Variants in LYPD6B observed in about 807,000 individuals in gnomAD.
LYPD6B encodes LY6/PLAUR domain containing 6B.
In LYPD6B, 17 loss-of-function variants were observed where a neutral mutation model predicts 22.8. The ratio of observed to expected loss-of-function variants is 0.75; its 90% CI spans 0.51 to 1.12. The LOEUF is 1.12. Ranked by LOEUF, LYPD6B falls within the 50% of genes most tolerant of loss-of-function variation. The pLI is 0.00. For missense variants in LYPD6B, 221 were observed against 258.3 expected, an observed-to-expected ratio of 0.86 and a Z score of 0.99; for synonymous variants, 106 against 91.6, an observed-to-expected ratio of 1.16 and a Z score of -0.90.
intron 1 of LYPD6B, among the ~76,000 whole-genome samples, chr2:149,114,661 C>T (rs1686916392): frequency 6.6e-6 from 1 of 152,146 alleles, no homozygotes; most frequent in Admixed American, 6.5e-5. Context: ...TTAGGAAAAC[C>T]CAAGCGTTCT....
At chr2:149,139,402 T>C (rs1688554296) in intron 2 of LYPD6B, among the ~76,000 whole-genome samples, 1 of 152,168 alleles carries the variant, frequency 6.6e-6, no homozygotes, top group South Asian at 2.1e-4. Flanking sequence ...ATGGAGACCA[T>C]CAGATATAAT....
At chr2:149,076,121 C>T (rs184482296) in intron 1 of LYPD6B, among the ~76,000 whole-genome samples, 85 of 152,132 alleles carry the variant, frequency 5.6e-4, no homozygotes, top group African/African-American at 2.0e-3. Context: ...TTTTGAATAT[C>T]GGAAAGTGAA....
intron 2 of LYPD6B, among the ~76,000 whole-genome samples, chr2:149,132,810 A>G (rs569265360): frequency 6.6e-6 from 1 of 152,304 alleles, no homozygotes; most frequent in Non-Finnish European, 1.5e-5. Flanking sequence ...GCACCAACAC[A>G]GAATTCTGAG....
intron 1 of LYPD6B, among the ~76,000 whole-genome samples, chr2:149,106,052 T>C (rs962349382): frequency 3.9e-5 from 6 of 152,136 alleles, no homozygotes; most frequent in Non-Finnish European, 5.9e-5. Context: ...GATAATCATA[T>C]GGTTTTTCTT....
At chr2:149,117,674 C>T (rs1263974466) in intron 1 of LYPD6B, among the ~76,000 whole-genome samples, 1 of 152,156 alleles carries the variant, frequency 6.6e-6, no homozygotes, top group Non-Finnish European at 1.5e-5. Context: ...GCTCATCTGT[C>T]ATTTTTGTCC....
intron 1 of LYPD6B, among the ~76,000 whole-genome samples, chr2:149,073,291 T>C (rs552588616): frequency 6.6e-6 from 1 of 152,336 alleles, no homozygotes; most frequent in East Asian, 1.9e-4. Flanking sequence ...AGAGGCACCC[T>C]GACAGCTTCA....
At chr2:149,134,822 G>A (rs539995080) in intron 2 of LYPD6B, among the ~76,000 whole-genome samples, 5 of 152,194 alleles carry the variant, frequency 3.3e-5, no homozygotes, top group Non-Finnish European at 7.3e-5. Flanking sequence ...CTTTGGAACT[G>A]GTGTGCTGGA....
At chr2:149,132,279 A>G (rs1444732962) in intron 2 of LYPD6B, among the ~76,000 whole-genome samples, 1 of 150,274 alleles carries the variant, frequency 6.7e-6, no homozygotes, top group East Asian at 1.9e-4. Context: ...TTCTAGATGG[A>G]ACCCAGGGAG....
At chr2:149,189,343 TA>T in intron 3 of LYPD6B, among the ~76,000 whole-genome samples, 1 of 10,100 alleles carries the variant, frequency 9.9e-5, no homozygotes, top group African/African-American at 2.4e-4. Context: ...TGTCCAAAAT[TA>T]TATATATATA....
intron 2 of LYPD6B, among the ~76,000 whole-genome samples, chr2:149,141,139 G>A (rs1044653452): frequency 2.6e-5 from 4 of 152,284 alleles, no homozygotes; most frequent in Middle Eastern, 3.4e-3. Flanking sequence ...GATTGATAGG[G>A]TAGAATATTC....
intron 1 of LYPD6B, among the ~76,000 whole-genome samples, chr2:149,046,782 A>C (rs1683326369): frequency 6.6e-6 from 1 of 152,130 alleles, no homozygotes. Context: ...GTATATTTAC[A>C]GTACTTCTCT....
intron 3 of LYPD6B, among the ~76,000 whole-genome samples, chr2:149,203,929 C>T (rs141645191): frequency 6.6e-6 from 1 of 152,310 alleles, no homozygotes; most frequent in African/African-American, 2.4e-5. Context: ...TTCCTAGAAT[C>T]TATGCATTAT....
At chr2:149,101,210 C>T (rs950787467) in intron 1 of LYPD6B, 4 of 152,256 alleles carry the variant, frequency 2.6e-5, no homozygotes, top group South Asian at 2.1e-4. Context: ...GGTGCTTCTC[C>T]GCCAGAGCCA....
At chr2:149,072,568 A>T (rs919761590) in intron 1 of LYPD6B, among the ~76,000 whole-genome samples, 4 of 115,568 alleles carry the variant, frequency 3.5e-5, no homozygotes, top group African/African-American at 1.2e-4. Flanking sequence ...ACACAGTTTC[A>T]CTCTGTTGCC....
chr2:149,176,994 C>T (rs568849822), intron 3 of LYPD6B, among the ~76,000 whole-genome samples: 13 of 152,344 alleles, frequency 8.5e-5, no homozygotes, highest in African/African-American at 3.1e-4. Flanking sequence ...TACCTGCTTT[C>T]ATCCTCAGTT....
chr2:149,154,976 T>A lies in LYPD6B; in HGVS notation c.6-5788T>A, dbSNP rs143691695. On this transcript the variant is annotated intron_variant, in intron 2 of 6. Transcript: ENST00000409642. Reference sequence around the variant, plus strand: ...ATAAGGGAAGTAAGGAATATTGAACTGCATATGGAAGCTTTGTTTCTTTTT... The same window carrying A: ...ATAAGGGAAGTAAGGAATATTGAACAGCATATGGAAGCTTTGTTTCTTTTT... Among the ~76,000 whole-genome samples the A allele has an allele frequency of 1.7e-3, 252 of 152,346 alleles. 2 individuals are homozygous for A. The highest frequency in any genetic ancestry group is 5.8e-3 in the African/African-American group (241 of 41,580).
chr2:149,165,576 C>A (rs180771256), intron 3 of LYPD6B, among the ~76,000 whole-genome samples: 1 of 152,274 alleles, frequency 6.6e-6, no homozygotes, highest in Non-Finnish European at 1.5e-5. Flanking sequence ...ATATGCCCAG[C>A]ACTATATGGA....
chr2:149,142,285 G>A (rs396641), intron 2 of LYPD6B: 96,805 of 152,026 alleles, frequency 0.64, 30,926 homozygotes, highest in South Asian at 0.75. Flanking sequence ...TGTATTGAGC[G>A]CTGGCTGAGT....
intron 2 of LYPD6B, among the ~76,000 whole-genome samples, chr2:149,137,693 G>A (rs1231127247): frequency 6.6e-6 from 1 of 152,046 alleles, no homozygotes; most frequent in African/African-American, 2.4e-5. Context: ...TTTGTTAGTA[G>A]ACATTTAGAT....
Sources: gnomAD v4.1 joint callset for allele counts (sites outside exome capture counted in the v4.1 genomes callset) on GRCh38, gnomAD v4.1.1 for gene constraint, MANE v1.5 for transcripts, NCBI Gene and HGNC (gene_info 2026-07-23, HGNC 2026-07-21) for gene names.